RNF213: variants seen among roughly 807,000 people sequenced by gnomAD.
The protein encoded by RNF213 is E3 ubiquitin-protein ligase RNF213.
A neutral mutation model predicts 514.4 loss-of-function variants in RNF213; 341 were observed. That is an observed-to-expected ratio of 0.66 (90% CI 0.61 to 0.73). The LOEUF (loss-of-function observed/expected upper bound fraction) is 0.73. RNF213 is among the 30% of genes least tolerant of loss of function. The pLI is 0.00. For missense variants in RNF213, 5,767 were observed against 6,615.6 expected (o/e 0.87, Z 4.45); for synonymous variants, 2,655 against 2,658.2 (o/e 1.00, Z 0.04).
chr17:80,314,085 G>A (rs1321370090), intron 15 of RNF213, among the ~76,000 whole-genome samples: 89 of 98,738 alleles, frequency 9.0e-4, no homozygotes, highest in Non-Finnish European at 1.2e-3. Flanking sequence ...GGTGGTGGAG[G>A]TGATGGTGGA....
intron 15 of RNF213, among the ~76,000 whole-genome samples, chr17:80,315,042 A>G (rs1453236548): frequency 4.2e-4 from 1 of 2,394 alleles, no homozygotes; most frequent in Non-Finnish European, 7.4e-4. Context: ...GGTGAAGGTG[A>G]TGGTGGAGGT....
intron 44 of RNF213, 27 bp from the exon 45 acceptor site, chr17:80,369,475 C>A: frequency 6.2e-7 from 1 of 1,606,958 alleles, no homozygotes; most frequent in Non-Finnish European, 8.5e-7. Context: ...ACACCATCCA[C>A]CTGTCTTCTG....
chr17:80,390,617 G>A (rs1182287367), intron 67 of RNF213, among the ~76,000 whole-genome samples: 2 of 151,784 alleles, frequency 1.3e-5, no homozygotes, highest in Non-Finnish European at 2.9e-5. Context: ...GGCTGGTCTC[G>A]AACTCCTGGC....
At chr17:80,360,680 C>T (rs113156418) in intron 38 of RNF213, among the ~76,000 whole-genome samples, 77 of 152,320 alleles carry the variant, frequency 5.1e-4, no homozygotes, top group African/African-American at 1.6e-3. Flanking sequence ...CTGTGTCTCC[C>T]GAGTCACAGC....
At chr17:80,293,566 G>C (rs958312926) in intron 8 of RNF213, among the ~76,000 whole-genome samples, 1 of 151,984 alleles carries the variant, frequency 6.6e-6, no homozygotes, top group Admixed American at 6.6e-5. Context: ...GCTCACGCCT[G>C]TAATCCCAGC....
chr17:80,381,457 G>A (rs1473566477), intron 56 of RNF213, 90 bp from the exon 57 acceptor site: 4 of 1,345,142 alleles, frequency 3.0e-6, no homozygotes, highest in African/African-American at 1.4e-5. Context: ...ACTCTATGCT[G>A]GTGCTCCACT....
chr17:80,363,078 T>C (rs778436972), intron 39 of RNF213, 24 bp from the exon 40 acceptor site: 4 of 1,601,158 alleles, frequency 2.5e-6, no homozygotes, highest in Non-Finnish European at 2.6e-6. Flanking sequence ...AAAAATATAT[T>C]CTAAAAGCTT....
intron 38 of RNF213, 110 bp from the exon 39 acceptor site, chr17:80,361,624 T>TC: frequency 8.6e-7 from 1 of 1,161,602 alleles, no homozygotes; most frequent in Non-Finnish European, 1.3e-6. Context: ...GTCTACGAGC[T>TC]CCCATTCAAC....
In RNF213 at chr17:80,395,831, C is replaced by T. The variant is rs1182809585; in HGVS notation, c.*2333C>T. 1.3e-5 allele frequency: 2 copies of T among 152,172 alleles called. No individual in the cohort carries two copies. Among genetic ancestry groups the T allele is most frequent in the Non-Finnish European group, 2.9e-5 (2 of 68,042 alleles). The allele number at this position is 152,172 out of a possible 1,614,324, so 9.4% of individuals were successfully genotyped here. A position where few individuals can be genotyped will look rare whatever the true frequency, so the allele number is the denominator to read the frequency against. ...AGGCGAGAAACCTGTGGTCTAGAAC[C>T]ACAGCAAGAAGAGGAGGCATGCTGG... is the stretch of plus-strand genomic sequence containing the variant. On this transcript the variant is annotated 3_prime_UTR_variant, in exon 68 of 68. Transcript: ENST00000582970.
intron 15 of RNF213, among the ~76,000 whole-genome samples, chr17:80,314,221 TG>T (rs1446074061): frequency 2.3e-4 from 28 of 119,992 alleles, no homozygotes; most frequent in African/African-American, 8.8e-4. Flanking sequence ...GAGGTGATGG[TG>T]GTGGTGAAGG....
At chr17:80,289,981 A>G (rs554505572) in intron 6 of RNF213, 144 bp downstream of exon 6, 2 of 904,510 alleles carry the variant, frequency 2.2e-6, no homozygotes, top group African/African-American at 1.7e-5. Context: ...AAAGGGGACC[A>G]CTTAGGAGGT....
At chr17:80,290,424 AGTGTGCGCGTGTGTGCAT>A (rs1162368471) in intron 6 of RNF213, 128 bp from the exon 7 acceptor site, 2 of 887,824 alleles carry the variant, frequency 2.3e-6, no homozygotes, top group East Asian at 2.6e-5. Flanking sequence ...CGTGTGTGCG[AGTGTGCGCGTGTGTGCAT>A]GTGTGTGTGC....
intron 20 of RNF213, among the ~76,000 whole-genome samples, chr17:80,328,961 TGCTGTTTTCACTGCGTTAATGATAC>T (rs1205010727): frequency 6.6e-6 from 1 of 152,288 alleles, no homozygotes; most frequent in Non-Finnish European, 1.5e-5. Context: ...TCCTGTCAGA[TGCTGTTTTCACTGCGTTAATGATAC>T]GCTGTTTTCA....
At chr17:80,328,582 T>A in intron 20 of RNF213, 105 bp downstream of exon 20, 2 of 1,212,420 alleles carry the variant, frequency 1.6e-6, no homozygotes, top group African/African-American at 1.5e-5. Flanking sequence ...GAGAGAAGGC[T>A]TTAAAATTTT....
chr17:80,327,833 C>T lies in RNF213; in HGVS notation c.3211C>T (p.Leu1071=), dbSNP rs1425477888. 1.3e-6 allele frequency: 2 copies of T among 1,536,282 alleles called. No individual in the cohort carries two copies. Among genetic ancestry groups the T allele is most frequent in the South Asian group, 1.2e-5 (1 of 84,028 alleles). ...FRLCGTDEKI[L]ANVTEDAKRL... is the part of the protein sequence containing the mutation. ...CTATTCAGGAACCGACGAGAAAATA[C>T]TAGCAAATGTCACAGAGGATGCCAA... The change falls in exon 19 of 68, where the codon CTA becomes TTA. Residue 1071 remains leucine, a synonymous_variant. Transcript: ENST00000582970.
At position 80,343,207 on chromosome 17, in the gene RNF213, C is replaced by G; in HGVS notation, c.6065C>G (p.Thr2022Arg). ...QLNVKNVPLK[T>R]IRLIDPQVDE... Reference sequence around the variant, plus strand: ...AACGTGAAAAATGTGCCTCTGAAAACAATTCGACTGATCGACCCTCAGGTG... The same window carrying G: ...AACGTGAAAAATGTGCCTCTGAAAAGAATTCGACTGATCGACCCTCAGGTG... The change falls in exon 27 of 68, where the codon ACA (threonine) becomes AGA (arginine). Residue 2022 changes from threonine to arginine, a missense_variant. Thr to Arg is a moderately conservative substitution (Grantham distance 71). Transcript: ENST00000582970. This position sits in a 1 kb window ranked among gnomAD's most constrained non-coding sequence, Gnocchi z 4.3. 1 of 1,614,084 alleles carries G rather than the reference C, an allele frequency of 6.2e-7. No homozygotes were observed. The highest frequency in any genetic ancestry group is 1.3e-5 in the African/African-American group (1 of 75,046).
In RNF213 at chr17:80,386,879, G is replaced by A. The variant is rs759860829; in HGVS notation, c.14910G>A (p.Arg4970=). 1 of 1,612,482 alleles carries A rather than the reference G, an allele frequency of 6.2e-7. No individual in the cohort carries two copies. Among genetic ancestry groups the A allele is most frequent in the Non-Finnish European group, 8.5e-7 (1 of 1,179,584 alleles). The change falls in exon 63 of 68, where the codon CGG becomes CGA. Residue 4970 remains arginine, a synonymous_variant. Coordinates refer to ENST00000582970, the MANE Select transcript of RNF213 (RefSeq NM_001256071.3). The part of the protein sequence containing the change: ...IVSRFLQGKP[R]LSLKGIPTLV... ...GCCGCTTCCTCCAGGGCAAGCCCCG[G>A]CTGAGCCTCAAGGTAGGGCTGACTC... is the stretch of plus-strand genomic sequence containing the variant.
rs1274171789 is a variant in RNF213 at position 80,346,157 on chromosome 17, G to A, written c.7822G>A (p.Asp2608Asn). Residue 2608 changes from aspartate to asparagine, a missense_variant, in exon 29 of 68, where the codon GAT becomes AAT. Coordinates refer to ENST00000582970, the MANE Select transcript of RNF213 (RefSeq NM_001256071.3). This position sits in a 1 kb window ranked among gnomAD's most constrained non-coding sequence, Gnocchi z 8.1. ...GAGACTGGTTGAGTCCATCAGCCTAGATGAAAACGGGACTCGCGTGATCAC... is the reference window on the plus strand; with the variant it reads ...GAGACTGGTTGAGTCCATCAGCCTAAATGAAAACGGGACTCGCGTGATCAC... The part of the protein sequence containing the change: ...VQRLVESISL[D>N]ENGTRVITEV... The A allele has an allele frequency of 6.2e-7, 1 of 1,614,086 alleles. No homozygotes were observed. The highest frequency in any genetic ancestry group is 1.3e-5 in the African/African-American group (1 of 74,926).
chr17:80,271,819 A>G, intron 2 of RNF213, among the ~76,000 whole-genome samples: 1 of 151,758 alleles, frequency 6.6e-6, no homozygotes, highest in Non-Finnish European at 1.5e-5. Context: ...TCTACTAAAA[A>G]TACAAAAAAA....
Sources: gnomAD v4.1 joint callset for allele counts (sites outside exome capture counted in the v4.1 genomes callset) on GRCh38, gnomAD v4.1.1 for gene constraint, Gnocchi (gnomAD v3.1) non-coding constraint, MANE v1.5 for transcripts, NCBI Gene and HGNC (gene_info 2026-07-23, HGNC 2026-07-21) for gene names.